Variants in EMX1 observed in about 807,000 individuals in gnomAD.
EMX1 encodes empty spiracles homeobox 1.
EMX1 carries 10 observed loss-of-function variants against 20.1 expected under a neutral mutation model. That is an observed-to-expected ratio of 0.50 (90% CI 0.31 to 0.84). The LOEUF is 0.84. Among genes scored for constraint, EMX1 ranks in the 40% least tolerant of loss-of-function variants. EMX1 has a pLI of 0.05. For missense variants in EMX1, 424 were observed against 431.9 expected (o/e 0.98, Z 0.16); for synonymous variants, 250 against 200.4 (o/e 1.25, Z -2.09).
chr2:72,918,235 T>C lies in EMX1; in HGVS notation c.383T>C (p.Leu128Pro), dbSNP rs1671026428. The change falls in exon 1 of 3, where the codon CTG becomes CCG. Residue 128 changes from leucine to proline, a missense_variant. By Grantham distance (98) the Leu-to-Pro change is moderately conservative. This residue lies in a region of EMX1 where 333 missense variants were observed against 296.6 expected (regional missense o/e 1.12). Coordinates refer to ENST00000258106, the MANE Select transcript of EMX1 (RefSeq NM_004097.3). Reference protein sequence around the residue: ...VFPEAMNHPALTVHPAHQLGA... With the variant: ...VFPEAMNHPAPTVHPAHQLGA... Reference sequence around the variant, plus strand: ...CCCGAGGCCATGAACCACCCCGCGCTGACCGTGCATCCGGCGCACCAGCTG... The same window carrying C: ...CCCGAGGCCATGAACCACCCCGCGCCGACCGTGCATCCGGCGCACCAGCTG... 1.3e-6 allele frequency: 2 copies of C among 1,581,412 alleles called. No homozygotes were observed. The highest frequency in any genetic ancestry group is 1.7e-5 in the Admixed American group (1 of 57,882).
chr2:72,917,958 C>A lies in EMX1; in HGVS notation c.106C>A (p.Gln36Lys). Residue 36 changes from glutamine to lysine, a missense_variant, in exon 1 of 3, where the codon CAG (glutamine) becomes AAG (lysine). Physicochemically the swap from Gln to Lys is moderately conservative, Grantham distance 53. This residue lies in a region of EMX1 where 333 missense variants were observed against 296.6 expected (regional missense o/e 1.12). Coordinates refer to ENST00000258106, the MANE Select transcript of EMX1 (RefSeq NM_004097.3). ...RTAPAAATMF[Q>K]PAAKRGFTIE... ...AGCTCCCGCGGCTGCGACCATGTTC[C>A]AGCCCGCGGCCAAGCGCGGCTTTAC... The A allele has an allele frequency of 6.7e-7, 1 of 1,486,330 alleles. No homozygotes were observed. The highest frequency in any genetic ancestry group is 2.3e-5 in the Admixed American group (1 of 44,356). 92.1% of individuals were successfully genotyped at this position (1,486,330 alleles called of 1,614,324 possible).
chr2:72,925,899 G>T, intron 2 of EMX1: 1 of 985,410 alleles, frequency 1.0e-6, no homozygotes, highest in African/African-American at 1.7e-5. Flanking sequence ...TAGCTGGGCT[G>T]TTCTAACTGC....
At chr2:72,916,418 C>T (rs1042221134), upstream of EMX1, 7 of 534,970 alleles carry the variant, frequency 1.3e-5, no homozygotes, top group South Asian at 1.3e-4. Context: ...CGGCAAGGTC[C>T]AGGTCCCAGC....
intron 1 of EMX1, 45 bp downstream of exon 1, chr2:72,918,417 G>C: frequency 1.5e-6 from 2 of 1,356,482 alleles, no homozygotes; most frequent in Non-Finnish European, 9.4e-7. Context: ...GCCGGCGCCC[G>C]TGCTGCGGCG....
chr2:72,931,071 C>T (rs902652551), intron 2 of EMX1, among the ~76,000 whole-genome samples: 2 of 152,192 alleles, frequency 1.3e-5, no homozygotes, highest in Non-Finnish European at 2.9e-5. Context: ...GGCTGTTCTC[C>T]GGAAGATGGC....
intron 2 of EMX1, chr2:72,925,470 C>T (rs1671181538): frequency 1.6e-6 from 2 of 1,288,750 alleles, no homozygotes; most frequent in Non-Finnish European, 2.0e-6. Context: ...CTCAGCGACC[C>T]TCAGCCTAGC....
chr2:72,924,567 G>GGCCCTGAGCCC, intron 2 of EMX1, 74 bp downstream of exon 2: 2 of 1,446,816 alleles, frequency 1.4e-6, no homozygotes, highest in Non-Finnish European at 1.8e-6. Context: ...GTGCAGGAGA[G>GGCCCTGAGCCC]GCCCTGAGCC....
Position 72,930,298 on chromosome 2 carries a change from CACTGTT to C in EMX1, c.706-3484_706-3479del, listed in dbSNP as rs1209502879. 6.6e-6 allele frequency among the ~76,000 whole-genome samples: 1 copy of C among 152,152 alleles called. No individual in the cohort carries two copies. The highest frequency in any genetic ancestry group is 1.9e-4 in the East Asian group (1 of 5,190). On this transcript the variant is annotated intron_variant, in intron 2 of 2. Coordinates refer to ENST00000258106, the MANE Select transcript of EMX1 (RefSeq NM_004097.3). This position sits in a 1 kb window ranked among gnomAD's most constrained non-coding sequence, Gnocchi z 4.4. ...AAATAAATTAGTGCACAGTGGGGGT[CACTGTT>C]ACTGAGACTGGGAAGAGGTACTAAG...
chr2:72,919,878 T>C (rs530545858), intron 1 of EMX1, among the ~76,000 whole-genome samples: 22 of 152,364 alleles, frequency 1.4e-4, no homozygotes, highest in African/African-American at 5.0e-4. Flanking sequence ...ATCTTTAAAA[T>C]TGAGCAATCT....
intron 1 of EMX1, among the ~76,000 whole-genome samples, chr2:72,919,112 G>A (rs957344662): frequency 6.6e-6 from 1 of 151,676 alleles, no homozygotes; most frequent in Non-Finnish European, 1.5e-5. Flanking sequence ...TTTTAAGGTC[G>A]TAGCCAGTCC....
chr2:72,931,861 C>CT (rs1671291090), intron 2 of EMX1, among the ~76,000 whole-genome samples: 2 of 152,222 alleles, frequency 1.3e-5, no homozygotes, highest in Admixed American at 1.3e-4. Flanking sequence ...AAAATCAGTG[C>CT]TCTCAAACAA....
chr2:72,919,909 C>A (rs2105262118), intron 1 of EMX1, among the ~76,000 whole-genome samples: 1 of 152,364 alleles, frequency 6.6e-6, no homozygotes, highest in African/African-American at 2.4e-5. Flanking sequence ...TCCGTGGGCT[C>A]GATCCGAAGC....
In EMX1 at chr2:72,930,298, C is replaced by T. The variant is rs1671261980; in HGVS notation, c.706-3489C>T. On this transcript the variant is annotated intron_variant, in intron 2 of 2. Coordinates refer to ENST00000258106, the MANE Select transcript of EMX1 (RefSeq NM_004097.3). The surrounding 1 kb of genome is among the most constrained non-coding windows in gnomAD (Gnocchi z 4.4). ...AAATAAATTAGTGCACAGTGGGGGT[C>T]ACTGTTACTGAGACTGGGAAGAGGT... Among the ~76,000 whole-genome samples, 1 of 152,152 alleles carries T rather than the reference C, an allele frequency of 6.6e-6. No homozygotes were observed. The highest frequency in any genetic ancestry group is 2.4e-5 in the African/African-American group (1 of 41,432).
intron 2 of EMX1, chr2:72,925,530 A>G (rs1452499359): frequency 2.3e-6 from 3 of 1,288,380 alleles, no homozygotes; most frequent in Non-Finnish European, 3.0e-6. Flanking sequence ...CGGCTCCCAG[A>G]GTTGCGAGAG....
intron 1 of EMX1, 176 bp from the exon 2 acceptor site, chr2:72,924,133 G>C (rs1268632190): frequency 2.6e-6 from 2 of 762,314 alleles, no homozygotes; most frequent in Admixed American, 2.2e-5. Flanking sequence ...AGTGGACTTA[G>C]GGAAGGGGCG....
At chr2:72,925,298 T>C (rs980790141) in intron 2 of EMX1, 1 of 1,020,568 alleles carries the variant, frequency 9.8e-7, no homozygotes, top group African/African-American at 1.7e-5. Flanking sequence ...GTAGTGTTTT[T>C]GTAACTGATC....
chr2:72,918,765 G>T (rs1236734961), intron 1 of EMX1, among the ~76,000 whole-genome samples: 1 of 152,200 alleles, frequency 6.6e-6, no homozygotes, highest in African/African-American at 2.4e-5. Context: ...CGCTTCTCTC[G>T]CAAGTCCACC....
rs756207739 is a variant in EMX1 at position 72,924,632 on chromosome 2, C to T, written c.705+139C>T. The T allele has an allele frequency of 9.4e-6, 10 of 1,060,512 alleles. No homozygotes were observed. The East Asian group carries it at 1.9e-4, about 20-fold the overall frequency. 65.7% of individuals were successfully genotyped at this position (1,060,512 alleles called of 1,614,324 possible). ...AAGGCCCCCATTCCCCGCGGCGCTG[C>T]GGTCAAGCCCGTCTTTAGAGCCTCT... On this transcript the variant is annotated intron_variant, in intron 2 of 2. Transcript: ENST00000258106.
chr2:72,923,277 T>C (rs925487075), intron 1 of EMX1: 19 of 151,950 alleles, frequency 1.3e-4, no homozygotes, highest in African/African-American at 4.4e-4. Context: ...ATACAGTAGA[T>C]AGGAAAAAAG....
Sources: gnomAD v4.1 joint callset for allele counts (sites outside exome capture counted in the v4.1 genomes callset) on GRCh38, gnomAD v4.1.1 for gene constraint, gnomAD v4.1.1 regional missense constraint, Gnocchi (gnomAD v3.1) non-coding constraint, MANE v1.5 for transcripts, NCBI Gene and HGNC (gene_info 2026-07-23, HGNC 2026-07-21) for gene names.